The following TWIST2 variants were observed in gnomAD, a reference collection of about 807,000 sequenced individuals.
The protein encoded by TWIST2 is twist family bHLH transcription factor 2.
In TWIST2, 1 loss-of-function variant was observed where a neutral mutation model predicts 11.6. That is an observed-to-expected ratio of 0.09 (90% CI 0.03 to 0.41). The LOEUF (loss-of-function observed/expected upper bound fraction) is 0.41, where lower values mean the gene tolerates loss of function less well. Among genes scored for constraint, TWIST2 ranks in the 10% least tolerant of loss-of-function variants. The probability of loss-of-function intolerance (pLI) is 0.98; values close to 1 mark genes in which losing one functional copy is unlikely to be tolerated. For synonymous variants in TWIST2, 87 were observed against 96.6 expected, an observed-to-expected ratio of 0.90 and a Z score of 0.58; for missense variants, 168 against 226.4, an observed-to-expected ratio of 0.74 and a Z score of 1.66.
intron 1 of TWIST2, among the ~76,000 whole-genome samples, chr2:238,906,340 A>G (rs1007295132): frequency 6.6e-6 from 1 of 151,774 alleles, no homozygotes; most frequent in African/African-American, 2.4e-5. Flanking sequence ...GCTTACACAC[A>G]CACACTGACA....
At chr2:238,903,077 A>ATGTGTGTGTGATGTGGGGTGTGTGC (rs1693297079) in intron 1 of TWIST2, among the ~76,000 whole-genome samples, 1 of 66,852 alleles carries the variant, frequency 1.5e-5, no homozygotes, top group Non-Finnish European at 2.8e-5. Context: ...AGTGTGTGTG[A>ATGTGTGTGTGATGTGGGGTGTGTGC]TGTGGGGTGT....
At chr2:238,905,840 AGT>A (rs1167633014) in intron 1 of TWIST2, among the ~76,000 whole-genome samples, 90 of 115,432 alleles carry the variant, frequency 7.8e-4, no homozygotes, top group Admixed American at 1.3e-3. Context: ...CTTTGAAAAA[AGT>A]GTGTGTGTGT....
intron 1 of TWIST2, among the ~76,000 whole-genome samples, chr2:238,906,732 G>A (rs1693361116): frequency 6.6e-6 from 1 of 152,048 alleles, no homozygotes; most frequent in Non-Finnish European, 1.5e-5. Context: ...CAGTGCCTGG[G>A]GCCTCCCTGG....
rs756279066 is a variant in TWIST2, at chr2:238,870,543, CCA to C, written c.*35+21816_*35+21817del. ...ACACAAACCACACACCCTACATACCCCACACACCCCACACACACCACACACCA... is the reference window on the plus strand; with the variant it reads ...ACACAAACCACACACCCTACATACCCCACACCCCACACACACCACACACCA... On this transcript the variant is annotated intron_variant, in intron 1 of 1. Transcript: ENST00000612363. Among the ~76,000 whole-genome samples the C allele has an allele frequency of 8.0e-4, 95 of 118,880 alleles. 6 individuals are homozygous for C. The highest frequency in any genetic ancestry group is 1.2e-3 in the Non-Finnish European group (69 of 57,748). 78.0% of individuals were successfully genotyped at this position (118,880 alleles called of 152,430 possible).
In TWIST2 at chr2:238,905,910, T is replaced by C. The variant is rs1299277144; in HGVS notation, c.*36-3932T>C. Among the ~76,000 whole-genome samples, 24 of 51,842 alleles carry C rather than the reference T, an allele frequency of 4.6e-4. No individual in the cohort carries two copies. The East Asian group carries it at 4.8e-3, about 10-fold the overall frequency. The allele number at this position is 51,842 out of a possible 152,430, so 34.0% of individuals were successfully genotyped here. A position where few individuals can be genotyped will look rare whatever the true frequency, so the allele number is the denominator to read the frequency against. On this transcript the variant is annotated intron_variant, in intron 1 of 1. Transcript: ENST00000612363. ...GCGCGCATGCGCGTGTGTGCGTGTG[T>C]GTGCGTGCAGGTGTGCGTGTGCGCG...
chr2:238,885,323 G>A (rs910274785), intron 1 of TWIST2, among the ~76,000 whole-genome samples: 1 of 152,224 alleles, frequency 6.6e-6, no homozygotes, highest in Non-Finnish European at 1.5e-5. Context: ...CATGCTGCCC[G>A]ACTCAGCTTG....
At chr2:238,868,419 C>G (rs527644474) in intron 1 of TWIST2, among the ~76,000 whole-genome samples, 3 of 152,184 alleles carry the variant, frequency 2.0e-5, no homozygotes, top group African/African-American at 7.2e-5. Context: ...CCAAGCCTGC[C>G]CACTTCGGAC....
chr2:238,906,181 C>G (rs1693352010), intron 1 of TWIST2, among the ~76,000 whole-genome samples: 1 of 152,042 alleles, frequency 6.6e-6, no homozygotes, highest in Middle Eastern at 3.2e-3. Context: ...CCACACGTCC[C>G]CCCTGCACAC....
At chr2:238,857,069 T>A (rs1011424808) in intron 1 of TWIST2, among the ~76,000 whole-genome samples, 2 of 152,118 alleles carry the variant, frequency 1.3e-5, no homozygotes, top group Non-Finnish European at 2.9e-5. Flanking sequence ...CAGGGGGCCA[T>A]CTGCTGTGCC....
intron 1 of TWIST2, among the ~76,000 whole-genome samples, chr2:238,907,489 C>T (rs982661550): frequency 6.6e-6 from 1 of 152,138 alleles, no homozygotes; most frequent in Admixed American, 6.5e-5. Context: ...CCAAGGCGCT[C>T]CCGGGACAGC....
Position 238,863,734 on chromosome 2 carries a change from C to T in TWIST2, c.*35+15001C>T, listed in dbSNP as rs1692475600. ...CCCAAATTGAGAAGAGGTGCTTTGACCCCGACTCACTCAGTGGAGCTAGAA... is the reference window on the plus strand; with the variant it reads ...CCCAAATTGAGAAGAGGTGCTTTGATCCCGACTCACTCAGTGGAGCTAGAA... On this transcript the variant is annotated intron_variant, in intron 1 of 1. Transcript: ENST00000612363. The surrounding 1 kb of genome is among the most constrained non-coding windows in gnomAD (Gnocchi z 4.7). Among the ~76,000 whole-genome samples, 1 of 152,218 alleles carries T rather than the reference C, an allele frequency of 6.6e-6. No individual in the cohort carries two copies. Among genetic ancestry groups the T allele is most frequent in the Non-Finnish European group, 1.5e-5 (1 of 68,028 alleles).
intron 1 of TWIST2, among the ~76,000 whole-genome samples, chr2:238,906,695 G>A (rs904055574): frequency 6.6e-6 from 1 of 152,004 alleles, no homozygotes; most frequent in African/African-American, 2.4e-5. Flanking sequence ...CACGTCACCC[G>A]TCCCTCCAGC....
intron 1 of TWIST2, among the ~76,000 whole-genome samples, chr2:238,883,340 G>A (rs1692971847): frequency 1.3e-5 from 2 of 152,194 alleles, no homozygotes; most frequent in African/African-American, 4.8e-5. Flanking sequence ...CTGCAGATGG[G>A]CTCCGTTCAC....
chr2:238,905,960 TGTGCGTGTGTGTGC>T, intron 1 of TWIST2, among the ~76,000 whole-genome samples: 4 of 116,276 alleles, frequency 3.4e-5, no homozygotes, highest in African/African-American at 1.1e-4. Flanking sequence ...CGTGTGTACG[TGTGCGTGTGTGTGC>T]GCGCGCGTGT....
At chr2:238,906,622 TCACA>T (rs1198666817) in intron 1 of TWIST2, among the ~76,000 whole-genome samples, 8 of 151,810 alleles carry the variant, frequency 5.3e-5, no homozygotes, top group South Asian at 2.1e-4. Context: ...TCTTTCATAC[TCACA>T]CTCACTCTCA....
chr2:238,852,549 T>C (rs1003569247), intron 1 of TWIST2, among the ~76,000 whole-genome samples: 1 of 152,216 alleles, frequency 6.6e-6, no homozygotes, highest in Non-Finnish European at 1.5e-5. Flanking sequence ...ACATGGATGC[T>C]TTCAAACGTA....
chr2:238,860,460 C>CT (rs1692411907), intron 1 of TWIST2, among the ~76,000 whole-genome samples: 1 of 152,216 alleles, frequency 6.6e-6, no homozygotes, highest in Non-Finnish European at 1.5e-5. Flanking sequence ...CATCCTGTTT[C>CT]TTTTTAAGAC....
At chr2:238,885,872 C>T (rs1693025396) in intron 1 of TWIST2, among the ~76,000 whole-genome samples, 1 of 152,014 alleles carries the variant, frequency 6.6e-6, no homozygotes, top group Admixed American at 6.6e-5. Flanking sequence ...AGTCTGCACC[C>T]CCAGAGAAGG....
chr2:238,892,445 C>T (rs1279732690), intron 1 of TWIST2, among the ~76,000 whole-genome samples: 1 of 152,184 alleles, frequency 6.6e-6, no homozygotes, highest in Non-Finnish European at 1.5e-5. Flanking sequence ...CTGAAATTTA[C>T]TTTTTCCCTC....
Sources: gnomAD v4.1 joint callset for allele counts (sites outside exome capture counted in the v4.1 genomes callset) on GRCh38, gnomAD v4.1.1 for gene constraint, Gnocchi (gnomAD v3.1) non-coding constraint, MANE v1.5 for transcripts, NCBI Gene and HGNC (gene_info 2026-07-23, HGNC 2026-07-21) for gene names.